The following WWOX variants were observed in gnomAD, a reference collection of about 807,000 sequenced individuals.
WWOX encodes WW domain-containing oxidoreductase.
WWOX carries 69 observed loss-of-function variants against 46.2 expected under a neutral mutation model. That is an observed-to-expected ratio of 1.49 (90% confidence interval 1.23 to 1.82). The LOEUF is 1.82. Ranked by LOEUF, WWOX falls within the 40% of genes most tolerant of loss-of-function variation. The pLI is 0.00. For missense variants in WWOX, 919 were observed against 542.6 expected, an observed-to-expected ratio of 1.69 and a Z score of -6.89; for synonymous variants, 359 against 202.6, an observed-to-expected ratio of 1.77 and a Z score of -6.56.
chr16:78,537,615 G>C (rs773621256), intron 8 of WWOX, among the ~76,000 whole-genome samples: 2 of 152,120 alleles, frequency 1.3e-5, no homozygotes, highest in Non-Finnish European at 1.5e-5. Context: ...AAGTCATACA[G>C]ATAGGCTCGA....
chr16:78,957,685 C>T (rs2046195878), intron 8 of WWOX, among the ~76,000 whole-genome samples: 1 of 152,182 alleles, frequency 6.6e-6, no homozygotes, highest in Non-Finnish European at 1.5e-5. Flanking sequence ...GATTTTCAAG[C>T]AGTTGTTTGA....
chr16:78,960,077 A>T (rs1231343181), intron 8 of WWOX, among the ~76,000 whole-genome samples: 1 of 152,220 alleles, frequency 6.6e-6, no homozygotes, highest in Admixed American at 6.5e-5. Flanking sequence ...AAATGGCTAC[A>T]GGTCAGGGTC....
chr16:78,722,467 C>T (rs752195198), intron 8 of WWOX, among the ~76,000 whole-genome samples: 2 of 152,104 alleles, frequency 1.3e-5, no homozygotes, highest in Non-Finnish European at 2.9e-5. Context: ...TAGTTCCTGT[C>T]ACATAGGAAG....
At chr16:78,670,983 T>C (rs909310338) in intron 8 of WWOX, among the ~76,000 whole-genome samples, 1 of 150,602 alleles carries the variant, frequency 6.6e-6, no homozygotes, top group Non-Finnish European at 1.5e-5. Context: ...AGTGGTGCCA[T>C]CTACCAGCCA....
intron 8 of WWOX, among the ~76,000 whole-genome samples, chr16:78,577,697 A>T (rs146673140): frequency 1.3e-5 from 2 of 152,224 alleles, no homozygotes; most frequent in Non-Finnish European, 2.9e-5. Context: ...TCCCCAATTC[A>T]TAGCTCTGGG....
intron 5 of WWOX, among the ~76,000 whole-genome samples, chr16:78,214,360 T>C (rs2036652360): frequency 6.6e-6 from 1 of 152,142 alleles, no homozygotes; most frequent in Admixed American, 6.5e-5. Context: ...TAATTGTTCC[T>C]ACCTCTTAGG....
At chr16:78,290,389 A>G (rs2079842066) in intron 5 of WWOX, among the ~76,000 whole-genome samples, 1 of 147,772 alleles carries the variant, frequency 6.8e-6, no homozygotes, top group Non-Finnish European at 1.5e-5. Flanking sequence ...TGAATGATGT[A>G]TGACAGTTTT....
chr16:79,074,353 A>G (rs1190157082), intron 8 of WWOX, among the ~76,000 whole-genome samples: 2 of 147,994 alleles, frequency 1.4e-5, no homozygotes, highest in South Asian at 2.2e-4. Context: ...CTGACTTCCT[A>G]AAACCACCGT....
chr16:79,025,263 G>C (rs76261969), intron 8 of WWOX, among the ~76,000 whole-genome samples: 1 of 152,202 alleles, frequency 6.6e-6, no homozygotes, highest in Non-Finnish European at 1.5e-5. Flanking sequence ...GGAAGGAGCT[G>C]TCCATAAAGG....
intron 8 of WWOX, among the ~76,000 whole-genome samples, chr16:78,920,076 A>T (rs911747932): frequency 1.3e-5 from 2 of 152,166 alleles, no homozygotes; most frequent in Non-Finnish European, 2.9e-5. Context: ...CCACCATGCC[A>T]TAGCTTGCAA....
At chr16:78,334,582 C>A (rs2080836164) in intron 5 of WWOX, among the ~76,000 whole-genome samples, 3 of 152,000 alleles carry the variant, frequency 2.0e-5, no homozygotes, top group Admixed American at 1.3e-4. Context: ...TTTGTGTAAT[C>A]AAGATATTCC....
At chr16:78,227,520 G>T (rs769800947) in intron 5 of WWOX, among the ~76,000 whole-genome samples, 1 of 152,184 alleles carries the variant, frequency 6.6e-6, no homozygotes, top group African/African-American at 2.4e-5. Flanking sequence ...GTGGTTAAAT[G>T]TATGTGTCCA....
intron 5 of WWOX, among the ~76,000 whole-genome samples, chr16:78,277,231 A>T (rs2079593688): frequency 6.6e-6 from 1 of 152,190 alleles, no homozygotes; most frequent in Non-Finnish European, 1.5e-5. Flanking sequence ...TTAAGTAGAG[A>T]GAGAAGCTCC....
chr16:79,025,337 C>G (rs2047616459), intron 8 of WWOX, among the ~76,000 whole-genome samples: 2 of 152,152 alleles, frequency 1.3e-5, no homozygotes, highest in Non-Finnish European at 2.9e-5. Flanking sequence ...GATATGTTCA[C>G]TGGAACCTAG....
chr16:79,164,097 T>G (rs2050543802), intron 8 of WWOX, among the ~76,000 whole-genome samples: 1 of 152,208 alleles, frequency 6.6e-6, no homozygotes, highest in Admixed American at 6.5e-5. Flanking sequence ...AAGCTTTTCC[T>G]CGGTGCCACT....
intron 7 of WWOX, among the ~76,000 whole-genome samples, chr16:78,431,431 A>G (rs1052210415): frequency 6.6e-6 from 1 of 152,204 alleles, no homozygotes; most frequent in African/African-American, 2.4e-5. Flanking sequence ...TGGATGCTCA[A>G]ATGAAAATAT....
chr16:78,687,952 G>A (rs1314019998), intron 8 of WWOX, among the ~76,000 whole-genome samples: 1 of 152,108 alleles, frequency 6.6e-6, no homozygotes, highest in Non-Finnish European at 1.5e-5. Flanking sequence ...AAATGCAAGT[G>A]AGGTCAGATC....
At chr16:78,116,962 C>T (rs994704418) in intron 4 of WWOX, among the ~76,000 whole-genome samples, 1 of 152,156 alleles carries the variant, frequency 6.6e-6, no homozygotes, top group African/African-American at 2.4e-5. Flanking sequence ...TTTGCAACAG[C>T]AGACCTGCGA....
intron 8 of WWOX, among the ~76,000 whole-genome samples, chr16:78,654,365 C>A (rs1295986643): frequency 1.3e-5 from 2 of 152,202 alleles, no homozygotes; most frequent in Admixed American, 6.5e-5. Flanking sequence ...CGTGTTCCTT[C>A]ACACCAGCGG....
Sources: gnomAD v4.1 joint callset for allele counts (sites outside exome capture counted in the v4.1 genomes callset) on GRCh38, gnomAD v4.1.1 for gene constraint, MANE v1.5 for transcripts, NCBI Gene and HGNC (gene_info 2026-07-23, HGNC 2026-07-21) for gene names.